The following GPR89B variants were observed in gnomAD, a reference collection of about 807,000 sequenced individuals.
GPR89B encodes golgi pH regulator B.
In GPR89B, 25 loss-of-function variants were observed where a neutral mutation model predicts 52.4. That is an observed-to-expected ratio of 0.48 (90% CI 0.35 to 0.67). GPR89B has a LOEUF of 0.67. GPR89B is among the 30% of genes least tolerant of loss of function. The pLI, the probability that GPR89B is intolerant of heterozygous loss-of-function variation, is 0.01. For synonymous variants in GPR89B, 52 were observed against 151.2 expected, an observed-to-expected ratio of 0.34 and a Z score of 4.81; for missense variants, 146 against 450.2, an observed-to-expected ratio of 0.32 and a Z score of 6.11.
chr1:148,012,602 A>T, the GPR89B span, among the ~76,000 whole-genome samples: 1 of 151,652 alleles, frequency 6.6e-6, no homozygotes, highest in Non-Finnish European at 1.5e-5. Context: ...GAACACTGAC[A>T]TATAGTTACA....
At chr1:147,982,969 A>G (rs1391761032) in intron 10 of GPR89B, among the ~76,000 whole-genome samples, 4 of 151,998 alleles carry the variant, frequency 2.6e-5, no homozygotes, top group African/African-American at 9.7e-5. Flanking sequence ...GTGTATAAGA[A>G]TGCTTGTGAT....
Position 147,944,851 on chromosome 1 carries a change from C to T in GPR89B, c.415+753C>T, listed in dbSNP as rs1397332642. On this transcript the variant is annotated intron_variant, in intron 5 of 13. Coordinates refer to ENST00000314163, the MANE Select transcript of GPR89B (RefSeq NM_016334.5). ...TATCTAAAAAGATTAGAGAGCCCAT[C>T]TGTAATAAATATACTACAGGTTTCA... is the stretch of plus-strand genomic sequence containing the variant. Among the ~76,000 whole-genome samples, 3 of 150,650 alleles carry T rather than the reference C, an allele frequency of 2.0e-5. No individual in the cohort carries two copies. The East Asian group carries it at 5.9e-4, about 29-fold the overall frequency.
intron 1 of GPR89B, chr1:147,928,906 T>C (rs1653275400): frequency 2.7e-6 from 1 of 374,752 alleles, no homozygotes; most frequent in Non-Finnish European, 3.7e-6. Flanking sequence ...CCTCGAAGCT[T>C]CCGGGCTGCG....
At chr1:147,949,591 C>T (rs1655366210) in intron 5 of GPR89B, among the ~76,000 whole-genome samples, 2 of 134,924 alleles carry the variant, frequency 1.5e-5, no homozygotes, top group South Asian at 2.3e-4. Context: ...CCCCACCTCC[C>T]TCCAGGACCG....
intron 10 of GPR89B, among the ~76,000 whole-genome samples, chr1:147,977,251 A>C (rs1378653155): frequency 2.7e-5 from 4 of 150,698 alleles, no homozygotes; most frequent in Non-Finnish European, 3.0e-5. Flanking sequence ...AAAAAAAAAA[A>C]AAAAAAAAAA....
At chr1:147,937,748 G>A (rs1414050883) in intron 2 of GPR89B, among the ~76,000 whole-genome samples, 1 of 152,130 alleles carries the variant, frequency 6.6e-6, no homozygotes, top group African/African-American at 2.4e-5. Context: ...CTGTTATTCT[G>A]TTCTTTTTCA....
At chr1:148,023,000 G>T in the GPR89B span, among the ~76,000 whole-genome samples, 3 of 151,766 alleles carry the variant, frequency 2.0e-5, no homozygotes, top group African/African-American at 7.3e-5. Context: ...GTGTACCAAG[G>T]GTACAAGTGT....
intron 10 of GPR89B, among the ~76,000 whole-genome samples, chr1:147,977,615 G>C (rs1214485275): frequency 6.6e-6 from 1 of 150,986 alleles, no homozygotes; most frequent in Non-Finnish European, 1.5e-5. Context: ...GTCTCTTCCA[G>C]GTACCTGAAT....
chr1:147,965,276 T>C (rs1273032216), intron 7 of GPR89B, among the ~76,000 whole-genome samples: 1 of 151,534 alleles, frequency 6.6e-6, no homozygotes, highest in African/African-American at 2.5e-5. Context: ...ATTTCACCCA[T>C]AGAAATATCA....
the GPR89B span, chr1:148,011,211 G>A: frequency 6.6e-6 from 1 of 152,148 alleles, no homozygotes; most frequent in Non-Finnish European, 1.5e-5. Flanking sequence ...TACTACACAG[G>A]CTGTACAGCA....
At position 147,968,010 on chromosome 1, in the gene GPR89B, A is replaced by G. The variant is rs2149075509; in HGVS notation, c.728-865A>G. The G allele has an allele frequency of 2.5e-5, 8 of 322,222 alleles. No individual in the cohort carries two copies. The East Asian group carries it at 6.4e-4, about 26-fold the overall frequency. The allele number at this position is 322,222 out of a possible 1,614,324, so 20.0% of individuals were successfully genotyped here. A position where few individuals can be genotyped will look rare whatever the true frequency, so the allele number is the denominator to read the frequency against. ...GATTTGGGTAATAGTGGGAAAAATC[A>G]GAGAGGAGGGAGGATTTAGATTGAA... On this transcript the variant is annotated intron_variant, in intron 8 of 13. Coordinates refer to ENST00000314163, the MANE Select transcript of GPR89B (RefSeq NM_016334.5).
chr1:147,955,148 A>G (rs1462682880), intron 7 of GPR89B, among the ~76,000 whole-genome samples: 1 of 151,838 alleles, frequency 6.6e-6, no homozygotes, highest in Non-Finnish European at 1.5e-5. Context: ...TATAAGTGAG[A>G]ACATGCAGTA....
At chr1:148,008,181 T>C in the GPR89B span, among the ~76,000 whole-genome samples, 1 of 152,354 alleles carries the variant, frequency 6.6e-6, no homozygotes, top group East Asian at 1.9e-4. Flanking sequence ...TAAACTCTGC[T>C]TCCTTAAACA....
the GPR89B span, among the ~76,000 whole-genome samples, chr1:148,025,447 C>T: frequency 5.1e-5 from 7 of 137,474 alleles, no homozygotes; most frequent in East Asian, 2.4e-4. Flanking sequence ...CGTTTGAACC[C>T]GGGAGGCAGA....
chr1:147,948,188 G>C (rs1553250112), intron 5 of GPR89B, among the ~76,000 whole-genome samples: 2 of 151,722 alleles, frequency 1.3e-5, no homozygotes, highest in Non-Finnish European at 2.9e-5. Flanking sequence ...TCTGAGACAG[G>C]GATATTTAAG....
chr1:147,979,604 T>G (rs1658086784), intron 10 of GPR89B, among the ~76,000 whole-genome samples: 1 of 152,112 alleles, frequency 6.6e-6, no homozygotes, highest in Non-Finnish European at 1.5e-5. Flanking sequence ...AGGTGTTGGA[T>G]TTTGTTAAAT....
At chr1:148,018,636 G>C in the GPR89B span, among the ~76,000 whole-genome samples, 2 of 151,358 alleles carry the variant, frequency 1.3e-5, no homozygotes, top group Non-Finnish European at 1.5e-5. Flanking sequence ...GCAGAAAAGG[G>C]TTAAATATTC....
chr1:148,015,134 G>A, the GPR89B span, among the ~76,000 whole-genome samples: 2 of 151,054 alleles, frequency 1.3e-5, no homozygotes, highest in South Asian at 4.2e-4. Flanking sequence ...GTTCTACTGA[G>A]CGTTTCTTGC....
chr1:148,014,098 T>A, the GPR89B span, among the ~76,000 whole-genome samples: 54 of 151,342 alleles, frequency 3.6e-4, no homozygotes, highest in Non-Finnish European at 7.5e-4. Context: ...GCCTTTCTCC[T>A]GCTAGTGTCT....
Sources: allele counts gnomAD v4.1 joint callset (sites outside exome capture counted in the v4.1 genomes callset), GRCh38; gene constraint gnomAD v4.1.1; transcripts MANE v1.5; gene names NCBI Gene and HGNC (gene_info 2026-07-23, HGNC 2026-07-21).